Variants in PALMD observed in about 807,000 individuals in gnomAD.
The protein encoded by PALMD is paralemmin-like protein.
Under a neutral mutation model 56.2 loss-of-function variants are expected in PALMD, and 42 were observed. The observed-to-expected ratio is 0.75, with a 90% CI of 0.58 to 0.97. PALMD has a LOEUF of 0.97. Among genes scored for constraint, PALMD ranks in the 50% least tolerant of loss-of-function variants. PALMD has a pLI of 0.00. For missense variants in PALMD, 660 were observed against 643.8 expected (o/e 1.03, Z -0.27); for synonymous variants, 242 against 222.9 (o/e 1.09, Z -0.76).
chr1:99,649,064 T>C (rs1652509464), intron 1 of PALMD, among the ~76,000 whole-genome samples: 1 of 152,178 alleles, frequency 6.6e-6, no homozygotes, highest in Non-Finnish European at 1.5e-5. Context: ...AAGAGCAAAA[T>C]TATGAAAGTA....
At chr1:99,648,720 T>C (rs146500967) in intron 1 of PALMD, among the ~76,000 whole-genome samples, 2 of 152,162 alleles carry the variant, frequency 1.3e-5, no homozygotes, top group East Asian at 3.9e-4. Context: ...AATTCGTTTC[T>C]CCAATTGCTG....
Position 99,662,819 on chromosome 1 carries a change from T to G in PALMD, c.126+420T>G, listed in dbSNP as rs547184595. Among the ~76,000 whole-genome samples the G allele has an allele frequency of 1.1e-4, 16 of 152,324 alleles. No individual in the cohort carries two copies. In the South Asian group the frequency reaches 3.1e-3, roughly 30 times the overall value. ...TGTCTGGCCTGGTCAAGGATGCTTG[T>G]ATTTAAAAGTTCAGTGCAATGAGTC... On this transcript the variant is annotated intron_variant, in intron 2 of 7. Transcript: ENST00000263174.
chr1:99,683,154 G>C (rs966384420), intron 3 of PALMD: 30 of 130,404 alleles, frequency 2.3e-4, no homozygotes, highest in Admixed American at 6.1e-4. Flanking sequence ...AAGAAAGAAA[G>C]AAAGAAAGAA....
At chr1:99,674,503 G>A (rs1212631637) in intron 3 of PALMD, among the ~76,000 whole-genome samples, 3 of 151,708 alleles carry the variant, frequency 2.0e-5, no homozygotes, top group African/African-American at 7.3e-5. Flanking sequence ...CTTCCCACCA[G>A]ACCTCACACT....
chr1:99,651,549 G>A (rs1652586766), intron 1 of PALMD, among the ~76,000 whole-genome samples: 1 of 152,126 alleles, frequency 6.6e-6, no homozygotes, highest in Admixed American at 6.6e-5. Context: ...AACTGCAATA[G>A]GACTTCCACT....
chr1:99,646,373 A>G lies in PALMD; in HGVS notation c.45+11A>G. On this transcript the variant is annotated intron_variant, in intron 1 of 7. Coordinates refer to ENST00000263174, the MANE Select transcript of PALMD (RefSeq NM_017734.5). ...CTCCAGGCCATCACAGTAAGTCTGC[A>G]TACAGTTATAACTCATTAACGTTGT... The G allele has an allele frequency of 2.5e-6, 4 of 1,604,098 alleles. No individual in the cohort carries two copies. The highest frequency in any genetic ancestry group is 2.6e-6 in the Non-Finnish European group (3 of 1,170,808).
intron 2 of PALMD, among the ~76,000 whole-genome samples, chr1:99,664,993 T>C (rs1346616455): frequency 6.6e-6 from 1 of 152,136 alleles, no homozygotes; most frequent in African/African-American, 2.4e-5. Flanking sequence ...TTCTGGGACA[T>C]TTTTTACATC....
intron 1 of PALMD, among the ~76,000 whole-genome samples, chr1:99,646,839 A>G (rs576926893): frequency 6.6e-6 from 1 of 152,352 alleles, no homozygotes; most frequent in East Asian, 1.9e-4. Flanking sequence ...AGCATGTTCC[A>G]GAAAGCCTAA....
chr1:99,670,966 C>G (rs1358120560), intron 3 of PALMD, among the ~76,000 whole-genome samples: 1 of 152,118 alleles, frequency 6.6e-6, no homozygotes, highest in African/African-American at 2.4e-5. Flanking sequence ...AAACAAGTAC[C>G]CACAGTGCTT....
Position 99,646,237 on chromosome 1 carries a change from C to T in PALMD, c.-81C>T. 1 of 1,093,268 alleles carries T rather than the reference C, an allele frequency of 9.1e-7. No homozygotes were observed. Among genetic ancestry groups the T allele is most frequent in the Non-Finnish European group, 1.4e-6 (1 of 707,164 alleles). 67.7% of individuals were successfully genotyped at this position (1,093,268 alleles called of 1,614,324 possible). Reference sequence around the variant, plus strand: ...TCTCCCTGCTTCTCTTCTGTCACCCCCGCTCCTCTCCCCCAGGAGGCTCCT... The same window carrying T: ...TCTCCCTGCTTCTCTTCTGTCACCCTCGCTCCTCTCCCCCAGGAGGCTCCT... On this transcript the variant is annotated 5_prime_UTR_variant, in exon 1 of 8. Coordinates refer to ENST00000263174, the MANE Select transcript of PALMD (RefSeq NM_017734.5).
chr1:99,667,753 C>A lies in PALMD; in HGVS notation c.238C>A (p.Gln80Lys). 7 of 1,613,524 alleles carry A rather than the reference C, an allele frequency of 4.3e-6. No homozygotes were observed. Among genetic ancestry groups the A allele is most frequent in the Non-Finnish European group, 5.9e-6 (7 of 1,179,592 alleles). The change falls in exon 3 of 8, where the codon CAA becomes AAA. Residue 80 changes from glutamine (Q) to lysine (K), a missense_variant. Physicochemically the swap from Gln to Lys is moderately conservative, Grantham distance 53. Transcript: ENST00000263174. Reference protein sequence around the residue: ...QDQHQIQVLEQSILRLEKEIQ... With the variant: ...QDQHQIQVLEKSILRLEKEIQ... ...CCAGCACCAGATCCAGGTTCTAGAA[C>A]AAAGTATCCTCAGGTATGGCCCTCA...
chr1:99,689,660 C>T lies in PALMD; in HGVS notation c.1400C>T (p.Ala467Val). Residue 467 changes from alanine (A) to valine (V), a missense_variant, in exon 7 of 8, where the codon GCT becomes GTT. By Grantham distance (64) the Ala-to-Val change is moderately conservative. Coordinates refer to ENST00000263174, the MANE Select transcript of PALMD (RefSeq NM_017734.5). Reference sequence around the variant, plus strand: ...GAGAAACCGTCCTACCACCCCATAGCTCCCCATAGTCAGGTGTACCAGCCA... The same window carrying T: ...GAGAAACCGTCCTACCACCCCATAGTTCCCCATAGTCAGGTGTACCAGCCA... ...EAEKPSYHPI[A>V]PHSQVYQPAK... 1 of 1,613,584 alleles carries T rather than the reference C, an allele frequency of 6.2e-7. No homozygotes were observed. Among genetic ancestry groups the T allele is most frequent in the Non-Finnish European group, 8.5e-7 (1 of 1,179,776 alleles).
chr1:99,682,062 T>C (rs139396183), intron 3 of PALMD, among the ~76,000 whole-genome samples: 143 of 152,316 alleles, frequency 9.4e-4, no homozygotes, highest in African/African-American at 3.2e-3. Context: ...AGTTCCTTAC[T>C]CTCAGTTATG....
At chr1:99,678,596 G>C (rs1224370817) in intron 3 of PALMD, among the ~76,000 whole-genome samples, 1 of 152,088 alleles carries the variant, frequency 6.6e-6, no homozygotes, top group East Asian at 1.9e-4. Context: ...TTCATTTTCT[G>C]TTTCCATGGG....
At chr1:99,690,550 T>C (rs1571077992) in intron 7 of PALMD, among the ~76,000 whole-genome samples, 1 of 152,184 alleles carries the variant, frequency 6.6e-6, no homozygotes, top group East Asian at 1.9e-4. Flanking sequence ...GCTAACCAGC[T>C]ATTTTAGCAT....
intron 7 of PALMD, among the ~76,000 whole-genome samples, chr1:99,691,971 T>A (rs978878656): frequency 3.3e-5 from 5 of 152,004 alleles, no homozygotes; most frequent in African/African-American, 1.2e-4. Flanking sequence ...AAAGACAAGA[T>A]TTTTTTAGTC....
intron 1 of PALMD, among the ~76,000 whole-genome samples, chr1:99,650,756 C>T (rs886715297): frequency 6.6e-6 from 1 of 152,184 alleles, no homozygotes; most frequent in Non-Finnish European, 1.5e-5. Context: ...GCATGATGAC[C>T]TGGGTGACTT....
At chr1:99,687,913 G>A (rs565154451) in intron 6 of PALMD, among the ~76,000 whole-genome samples, 10 of 152,088 alleles carry the variant, frequency 6.6e-5, no homozygotes, top group Admixed American at 2.6e-4. Context: ...CCAGGCTATA[G>A]AGGAGGTAAG....
chr1:99,671,191 T>G (rs1653079652), intron 3 of PALMD, among the ~76,000 whole-genome samples: 1 of 152,210 alleles, frequency 6.6e-6, no homozygotes, highest in Non-Finnish European at 1.5e-5. Flanking sequence ...GAGGATAAGA[T>G]TTTAATGGGA....
Sources: gnomAD v4.1 joint callset for allele counts (sites outside exome capture counted in the v4.1 genomes callset) on GRCh38, gnomAD v4.1.1 for gene constraint, MANE v1.5 for transcripts, NCBI Gene and HGNC (gene_info 2026-07-23, HGNC 2026-07-21) for gene names.